RNLS: variants seen among roughly 807,000 people sequenced by gnomAD.
The protein encoded by RNLS is renalase.
Under a neutral mutation model 39.8 loss-of-function variants are expected in RNLS, and 39 were observed. The observed-to-expected ratio is 0.98, with a 90% CI of 0.76 to 1.28. The LOEUF (loss-of-function observed/expected upper bound fraction) is 1.28, where lower values mean the gene tolerates loss of function less well. Among genes scored for constraint, RNLS ranks in the 50% most tolerant of loss-of-function variants. The pLI, the probability that RNLS is intolerant of heterozygous loss-of-function variation, is 0.00. For missense variants in RNLS, 410 were observed against 413.3 expected (o/e 0.99, Z 0.07); for synonymous variants, 147 against 150.7 (o/e 0.98, Z 0.18).
rs187850217 is a variant in RNLS, at chr10:88,513,623, A to G, written c.526+59280T>C. On this transcript the variant is annotated intron_variant, in intron 4 of 6. Transcript: ENST00000331772. ...ACCTCCCCTGAAATACTTAATGAAT[A>G]TTATTAACTATTAGATGTTAAACTT... Among the ~76,000 whole-genome samples, 59 of 152,290 alleles carry G rather than the reference A, an allele frequency of 3.9e-4. 1 individual carries two copies. The East Asian group carries it at 7.5e-3, about 19-fold the overall frequency.
intron 4 of RNLS, among the ~76,000 whole-genome samples, chr10:88,537,688 T>TA (rs1372117129): frequency 6.6e-6 from 1 of 152,124 alleles, no homozygotes. Flanking sequence ...GGGTAATGGC[T>TA]AGCCACTCAG....
In RNLS at chr10:88,297,660, G is replaced by A. The variant is rs146701220; in HGVS notation, c.877-12154C>T. ...TCAAGGTTCATTCATGTTATAGCAT[G>A]TATCAGTACTTCATCCCTTTTTATG... On this transcript the variant is annotated intron_variant, in intron 6 of 6. Transcript: ENST00000331772. Among the ~76,000 whole-genome samples, 553 of 152,256 alleles carry A rather than the reference G, an allele frequency of 3.6e-3. 4 individuals carry two copies. Among genetic ancestry groups the A allele is most frequent in the African/African-American group, 0.013 (529 of 41,552 alleles).
chr10:88,444,151 T>G (rs1841899902), intron 4 of RNLS, among the ~76,000 whole-genome samples: 1 of 152,198 alleles, frequency 6.6e-6, no homozygotes, highest in Non-Finnish European at 1.5e-5. Context: ...GGTAGCAACA[T>G]TTGCTGATCA....
At position 88,422,022 on chromosome 10, in the gene RNLS, G is replaced by A. The variant is rs527474345; in HGVS notation, c.527-59297C>T. Among the ~76,000 whole-genome samples the A allele has an allele frequency of 4.6e-5, 7 of 152,336 alleles. No homozygotes were observed. In the East Asian group the frequency reaches 1.2e-3, roughly 25 times the overall value. ...CTTGGTTTCTCAAGGGCAAGGTTGT[G>A]TTGGTTTTTTAAGAATAGCTTTCTA... On this transcript the variant is annotated intron_variant, in intron 4 of 6. Coordinates refer to ENST00000331772, the MANE Select transcript of RNLS (RefSeq NM_001031709.3).
At chr10:88,438,956 T>G (rs1841560929) in intron 4 of RNLS, among the ~76,000 whole-genome samples, 1 of 150,504 alleles carries the variant, frequency 6.6e-6, no homozygotes, top group Admixed American at 6.6e-5. Context: ...AGTAACTGAC[T>G]GATATCACCG....
At chr10:88,177,498 G>T in the RNLS span, among the ~76,000 whole-genome samples, 1 of 152,110 alleles carries the variant, frequency 6.6e-6, no homozygotes, top group Non-Finnish European at 1.5e-5. Flanking sequence ...TCCTGATTGG[G>T]TTGAACTGTC....
chr10:88,275,028 G>T lies in RNLS; in HGVS notation c.881C>A (p.Pro294Gln), dbSNP rs773872122. The T allele has an allele frequency of 1.9e-6, 3 of 1,612,440 alleles. No homozygotes were observed. The African/African-American group carries it at 4.0e-5, about 22-fold the overall frequency. Residue 294 changes from proline (P) to glutamine (Q), a missense_variant, in exon 7 of 7, where the codon CCA becomes CAA. Pro to Gln is a moderately conservative substitution (Grantham distance 76). Transcript: ENST00000371947. Reference sequence around the variant, plus strand: ...ACATCCTAGAATCACACCAGCACTTGGTACCTGAAAATCAAAGGAATATCC... The same window carrying T: ...ACATCCTAGAATCACACCAGCACTTTGTACCTGAAAATCAAAGGAATATCC...
At chr10:88,351,294 A>C (rs568364130) in intron 5 of RNLS, among the ~76,000 whole-genome samples, 3 of 152,294 alleles carry the variant, frequency 2.0e-5, no homozygotes, top group Non-Finnish European at 2.9e-5. Context: ...TTAGACATGA[A>C]GTCCTTGCCC....
At chr10:88,302,875 A>G (rs913931377) in intron 6 of RNLS, among the ~76,000 whole-genome samples, 1 of 152,076 alleles carries the variant, frequency 6.6e-6, no homozygotes, top group South Asian at 2.1e-4. Context: ...GAGAGGGGGG[A>G]GGCAAGATGG....
rs200387863 is a variant in RNLS at position 88,570,117 on chromosome 10, CAACAACTGGAGA to C, written c.526+2774_526+2785del. Among the ~76,000 whole-genome samples, 1,259 of 152,148 alleles carry C rather than the reference CAACAACTGGAGA, an allele frequency of 8.3e-3. 48 individuals carry two copies. Among genetic ancestry groups the C allele is most frequent in the Admixed American group, 0.067 (1,018 of 15,282 alleles). The stretch of plus-strand genomic sequence containing the variant: ...TATGAGGCCTACATACCTCCATGTC[CAACAACTGGAGA>C]AATTAATACAAGAAAAAATACTACA... On this transcript the variant is annotated intron_variant, in intron 4 of 6. Coordinates refer to ENST00000331772, the MANE Select transcript of RNLS (RefSeq NM_001031709.3).
intron 2 of RNLS, 30 bp downstream of exon 2, chr10:88,582,172 G>C (rs759078738): frequency 1.9e-5 from 29 of 1,542,582 alleles, no homozygotes; most frequent in Non-Finnish European, 2.5e-5. Flanking sequence ...CAACTGCTAA[G>C]ATTGATTCCA....
chr10:88,416,137 T>G (rs191578887), intron 4 of RNLS, among the ~76,000 whole-genome samples: 6 of 151,876 alleles, frequency 4.0e-5, no homozygotes, highest in Admixed American at 3.3e-4. Context: ...TCTAGGTAGG[T>G]GAAGTTTTCA....
chr10:88,434,150 G>A (rs1489330356), intron 4 of RNLS, among the ~76,000 whole-genome samples: 2 of 152,096 alleles, frequency 1.3e-5, no homozygotes, highest in Non-Finnish European at 2.9e-5. Context: ...GAGCATCGAG[G>A]CCATATTGGA....
At chr10:88,192,992 T>C in the RNLS span, among the ~76,000 whole-genome samples, 10 of 152,156 alleles carry the variant, frequency 6.6e-5, no homozygotes, top group East Asian at 1.7e-3. Context: ...CTACCTCCAC[T>C]CATTCCTGAC....
intron 1 of RNLS, 121 bp downstream of exon 1, chr10:88,582,952 C>T: frequency 1.7e-6 from 2 of 1,183,934 alleles, no homozygotes; most frequent in Non-Finnish European, 2.3e-6. Context: ...GCTACACGGC[C>T]GCTCAGGGAG....
At chr10:88,524,958 T>C (rs2986119) in intron 4 of RNLS, among the ~76,000 whole-genome samples, 47,068 of 74,684 alleles carry the variant, frequency 0.63, 13,453 homozygotes, top group African/African-American at 0.79. Flanking sequence ...GGCACACACA[T>C]ACATATATAT....
chr10:88,174,524 T>C, the RNLS span, among the ~76,000 whole-genome samples: 1 of 152,196 alleles, frequency 6.6e-6, no homozygotes, highest in Non-Finnish European at 1.5e-5. Context: ...GATCATATGT[T>C]TTTTGTTCTT....
intron 4 of RNLS, among the ~76,000 whole-genome samples, chr10:88,375,443 T>A (rs1019500082): frequency 2.0e-5 from 3 of 152,196 alleles, no homozygotes; most frequent in African/African-American, 7.2e-5. Context: ...AAACATTGCT[T>A]TGTTTTGATT....
chr10:88,379,373 C>T (rs1851274821), intron 4 of RNLS, among the ~76,000 whole-genome samples: 1 of 151,966 alleles, frequency 6.6e-6, no homozygotes, highest in Admixed American at 6.6e-5. Flanking sequence ...AAAAAAATTC[C>T]CCCCAGACCA....
Sources: gnomAD v4.1 joint callset for allele counts (sites outside exome capture counted in the v4.1 genomes callset) on GRCh38, gnomAD v4.1.1 for gene constraint, MANE v1.5 for transcripts, NCBI Gene and HGNC (gene_info 2026-07-23, HGNC 2026-07-21) for gene names.